The following RTN1 variants were observed in gnomAD, a reference collection of about 807,000 sequenced individuals.
RTN1 encodes reticulon-1.
In RTN1, 25 loss-of-function variants were observed where a neutral mutation model predicts 65.5. That is an observed-to-expected ratio of 0.38 (90% confidence interval 0.28 to 0.53). The LOEUF is 0.53. Ranked by LOEUF, RTN1 falls within the 20% of genes least tolerant of loss-of-function variation. The pLI is 0.79. For missense variants in RTN1, 983 were observed against 1,025.4 expected (o/e 0.96, Z 0.57); for synonymous variants, 471 against 447.6 (o/e 1.05, Z -0.66).
chr14:59,739,738 T>A (rs1293876108), intron 2 of RTN1, among the ~76,000 whole-genome samples: 1 of 151,410 alleles, frequency 6.6e-6, no homozygotes, highest in East Asian at 1.9e-4. Context: ...AAAAGAGGGG[T>A]TTCAAAAGCT....
chr14:59,648,187 C>T (rs1882942363), intron 3 of RTN1, among the ~76,000 whole-genome samples: 1 of 151,974 alleles, frequency 6.6e-6, no homozygotes, highest in Non-Finnish European at 1.5e-5. Context: ...AATTAGAAAA[C>T]CTAGAAGAGA....
rs1302760446 is a variant in RTN1 at position 59,603,865 on chromosome 14, G to A, written c.2169C>T (p.Thr723=). ...ATCTGCTCTTACCCATGAGCAGCAG[G>A]GTCAGGCCATTGAAGAGAGCGCCAA... ...TYVGALFNGL[T]LLLMAVVSMF... Residue 723 remains threonine, a synonymous_variant, in exon 6 of 9, where the codon ACC becomes ACT. Transcript: ENST00000267484. 2.5e-6 allele frequency: 4 copies of A among 1,611,302 alleles called. No homozygotes were observed. In the African/African-American group the frequency reaches 5.3e-5, roughly 22 times the overall value.
intron 3 of RTN1, among the ~76,000 whole-genome samples, chr14:59,648,501 C>A (rs958058598): frequency 5.3e-5 from 8 of 152,226 alleles, no homozygotes; most frequent in African/African-American, 1.9e-4. Context: ...AAACTTCAGC[C>A]CCATATCCTT....
chr14:59,627,424 A>G (rs1716919035), intron 3 of RTN1, among the ~76,000 whole-genome samples: 1 of 152,172 alleles, frequency 6.6e-6, no homozygotes, highest in Non-Finnish European at 1.5e-5. Context: ...AACTTACACC[A>G]CACAGGTTTT....
intron 3 of RTN1, among the ~76,000 whole-genome samples, chr14:59,639,003 T>G (rs1356332422): frequency 6.6e-6 from 1 of 152,216 alleles, no homozygotes. Context: ...TGATTTAAAG[T>G]GAGAGATGTA....
intron 3 of RTN1, among the ~76,000 whole-genome samples, chr14:59,651,121 C>A (rs1431149162): frequency 6.6e-6 from 1 of 152,130 alleles, no homozygotes; most frequent in East Asian, 1.9e-4. Context: ...TGTCACGTTA[C>A]TCAACTTCAA....
chr14:59,744,132 T>C (rs1411591742), intron 2 of RTN1, among the ~76,000 whole-genome samples: 1 of 152,168 alleles, frequency 6.6e-6, no homozygotes, highest in Non-Finnish European at 1.5e-5. Flanking sequence ...GAACTTTCAT[T>C]AATTCTGTTC....
At chr14:59,776,667 C>T (rs1434772272) in intron 1 of RTN1, among the ~76,000 whole-genome samples, 4 of 152,078 alleles carry the variant, frequency 2.6e-5, no homozygotes, top group Non-Finnish European at 2.9e-5. Context: ...AGCCTTCCTC[C>T]GCTGTGTGGG....
chr14:59,649,010 T>C (rs1165852385), intron 3 of RTN1, among the ~76,000 whole-genome samples: 1 of 151,952 alleles, frequency 6.6e-6, no homozygotes, highest in Admixed American at 6.6e-5. Context: ...TTTTTACTTA[T>C]GACAAGGCTA....
intron 2 of RTN1, among the ~76,000 whole-genome samples, chr14:59,738,953 A>G (rs1287317633): frequency 1.3e-5 from 2 of 152,116 alleles, no homozygotes; most frequent in African/African-American, 4.8e-5. Context: ...GAATGATAAG[A>G]ACACATGGAC....
chr14:59,853,934 G>A (rs12895725), intron 1 of RTN1, among the ~76,000 whole-genome samples: 31,876 of 146,934 alleles, frequency 0.22, 3,797 homozygotes, highest in East Asian at 0.49. Flanking sequence ...GTGTAATCTC[G>A]GCTCACTGCA....
At chr14:59,814,152 T>C (rs978645297) in intron 1 of RTN1, among the ~76,000 whole-genome samples, 1 of 152,134 alleles carries the variant, frequency 6.6e-6, no homozygotes, top group African/African-American at 2.4e-5. Flanking sequence ...AGATATCATG[T>C]CCACATTCTA....
At position 59,790,761 on chromosome 14, in the gene RTN1, T is replaced by A. The variant is rs2139587691; in HGVS notation, c.242-44280A>T. On this transcript the variant is annotated intron_variant, in intron 1 of 8. Coordinates refer to ENST00000267484, the MANE Select transcript of RTN1 (RefSeq NM_021136.3). This position sits in a 1 kb window ranked among gnomAD's most constrained non-coding sequence, Gnocchi z 4.1. ...GTTCTATTTCCTACCCCAGATATACTGATTTTTCTTTGGCTGTATCATCTT... is the reference window on the plus strand; with the variant it reads ...GTTCTATTTCCTACCCCAGATATACAGATTTTTCTTTGGCTGTATCATCTT... 6.6e-6 allele frequency among the ~76,000 whole-genome samples: 1 copy of A among 152,298 alleles called. No individual in the cohort carries two copies. The highest frequency in any genetic ancestry group is 1.5e-5 in the Non-Finnish European group (1 of 68,024).
chr14:59,702,143 T>C (rs1884192886), intron 3 of RTN1, among the ~76,000 whole-genome samples: 2 of 152,216 alleles, frequency 1.3e-5, no homozygotes. Flanking sequence ...ATGGAGTTTA[T>C]ATTAATAAAA....
chr14:59,862,010 T>C (rs1407777496), intron 1 of RTN1, among the ~76,000 whole-genome samples: 1 of 152,206 alleles, frequency 6.6e-6, no homozygotes, highest in Non-Finnish European at 1.5e-5. Context: ...CACCTGAGAC[T>C]TTCTATTAAT....
At chr14:59,685,127 T>C (rs1232554232) in intron 3 of RTN1, among the ~76,000 whole-genome samples, 5 of 152,158 alleles carry the variant, frequency 3.3e-5, no homozygotes, top group Admixed American at 3.3e-4. Flanking sequence ...AAACTTAATA[T>C]GCTTTCATGA....
intron 3 of RTN1, among the ~76,000 whole-genome samples, chr14:59,691,284 T>G (rs1188861731): frequency 1.3e-5 from 2 of 151,978 alleles, no homozygotes; most frequent in East Asian, 3.9e-4. Flanking sequence ...ATATAACAAA[T>G]CCTCAGAGAC....
chr14:59,750,363 A>AATC (rs1885462188), intron 1 of RTN1, among the ~76,000 whole-genome samples: 1 of 44,092 alleles, frequency 2.3e-5, no homozygotes, highest in Non-Finnish European at 3.3e-5. Flanking sequence ...TTATATCTAT[A>AATC]TATTATATCT....
At position 59,596,590 on chromosome 14, in the gene RTN1, G is replaced by T. The variant is rs1018907479; in HGVS notation, c.*155C>A. 1.5e-6 allele frequency: 1 copy of T among 652,732 alleles called. No homozygotes were observed. The highest frequency in any genetic ancestry group is 2.3e-5 in the Admixed American group (1 of 44,114). 40.4% of individuals were successfully genotyped at this position (652,732 alleles called of 1,614,324 possible). A position where few individuals can be genotyped will look rare whatever the true frequency, so the allele number is the denominator to read the frequency against. On this transcript the variant is annotated 3_prime_UTR_variant, in exon 9 of 9. Transcript: ENST00000267484. ...GACTCAAATATCCTAAGAGTACAAGGAACAGCCTAAAAACAGCTGTTTTAA... is the reference window on the plus strand; with the variant it reads ...GACTCAAATATCCTAAGAGTACAAGTAACAGCCTAAAAACAGCTGTTTTAA...
Sources: allele counts gnomAD v4.1 joint callset (sites outside exome capture counted in the v4.1 genomes callset), GRCh38; gene constraint gnomAD v4.1.1; non-coding constraint Gnocchi (gnomAD v3.1); transcripts MANE v1.5; gene names NCBI Gene and HGNC (gene_info 2026-07-23, HGNC 2026-07-21).